Variants in SMAD9 observed in about 807,000 individuals in gnomAD.
The protein encoded by SMAD9 is MAD homolog 9.
Under a neutral mutation model 46.1 loss-of-function variants are expected in SMAD9, and 36 were observed. That is an observed-to-expected ratio of 0.78 (90% CI 0.60 to 1.03). SMAD9 has a LOEUF of 1.03. Ranked by LOEUF, SMAD9 falls within the 50% of genes least tolerant of loss-of-function variation. The probability of loss-of-function intolerance (pLI) is 0.00; values close to 1 mark genes in which losing one functional copy is unlikely to be tolerated. For synonymous variants in SMAD9, 245 were observed against 237.1 expected (o/e 1.03, Z -0.31); for missense variants, 572 against 599.8 (o/e 0.95, Z 0.48).
chr13:36,905,156 T>C (rs747617097), intron 1 of SMAD9, among the ~76,000 whole-genome samples: 25 of 152,146 alleles, frequency 1.6e-4, no homozygotes, highest in Non-Finnish European at 3.2e-4. Flanking sequence ...AGGGATACTG[T>C]TAAACATCCT....
intron 6 of SMAD9, chr13:36,852,663 C>T (rs1340351357): frequency 2.8e-6 from 2 of 715,906 alleles, no homozygotes; most frequent in South Asian, 6.3e-5. Flanking sequence ...TAGAACCAAC[C>T]CTGCCTATTT....
intron 1 of SMAD9, among the ~76,000 whole-genome samples, chr13:36,909,746 T>C (rs942540901): frequency 6.6e-5 from 10 of 152,186 alleles, no homozygotes; most frequent in East Asian, 3.9e-4. Flanking sequence ...ATGGAAACAA[T>C]AGTCACTACC....
chr13:36,863,188 A>G (rs2058199736), intron 5 of SMAD9, among the ~76,000 whole-genome samples: 1 of 152,228 alleles, frequency 6.6e-6, no homozygotes. Context: ...AGCATCTGAG[A>G]GAGAATCCTG....
At chr13:36,873,146 C>T (rs1380799774) in intron 2 of SMAD9, among the ~76,000 whole-genome samples, 1 of 152,140 alleles carries the variant, frequency 6.6e-6, no homozygotes, top group Non-Finnish European at 1.5e-5. Flanking sequence ...CTCCTTGTAA[C>T]CGGAATCTTA....
intron 3 of SMAD9, among the ~76,000 whole-genome samples, chr13:36,869,518 G>T (rs1056026526): frequency 2.0e-5 from 3 of 151,718 alleles, no homozygotes; most frequent in Non-Finnish European, 4.4e-5. Context: ...CACTGCACCC[G>T]GCTAGACTGT....
At chr13:36,918,684 T>C (rs546051067) in intron 1 of SMAD9, among the ~76,000 whole-genome samples, 39 of 152,334 alleles carry the variant, frequency 2.6e-4, no homozygotes, top group African/African-American at 7.0e-4. Context: ...GAAACTCTTA[T>C]ATTGAATCTT....
chr13:36,888,459 T>C (rs2058465536), intron 1 of SMAD9, among the ~76,000 whole-genome samples: 1 of 152,196 alleles, frequency 6.6e-6, no homozygotes, highest in African/African-American at 2.4e-5. Flanking sequence ...GTTTATAAAG[T>C]ACCCAGTCTC....
chr13:36,853,599 C>T lies in SMAD9; in HGVS notation c.1080G>A (p.Arg360=), dbSNP rs758067314. The T allele has an allele frequency of 1.2e-5, 19 of 1,613,978 alleles. No homozygotes were observed. The highest frequency in any genetic ancestry group is 1.3e-5 in the African/African-American group (1 of 74,892). The change falls in exon 6 of 7, where the codon CGG becomes CGA. Residue 360 remains arginine, a synonymous_variant. Coordinates refer to ENST00000379826, the MANE Select transcript of SMAD9 (RefSeq NM_001127217.3). ...GGAAGCCGTGTTGATAGTTGCAGTT[C>T]CGGCTCTGCACAAAGATGCTGCTGT... The part of the protein sequence containing the change: ...VSDSSIFVQS[R]NCNYQHGFHP...
chr13:36,858,541 T>G (rs2058148447), intron 5 of SMAD9, among the ~76,000 whole-genome samples: 1 of 152,160 alleles, frequency 6.6e-6, no homozygotes. Flanking sequence ...TGGGTCCAAC[T>G]GTACTACACG....
chr13:36,857,111 T>G (rs1449057425), intron 5 of SMAD9, among the ~76,000 whole-genome samples: 1 of 152,124 alleles, frequency 6.6e-6, no homozygotes. Context: ...GCCAGTGATA[T>G]TCCTTTAAAA....
chr13:36,886,324 G>A (rs2058444310), intron 1 of SMAD9, among the ~76,000 whole-genome samples: 1 of 152,250 alleles, frequency 6.6e-6, no homozygotes, highest in African/African-American at 2.4e-5. Context: ...GACAGCAAAA[G>A]ACCCCCTGAA....
At chr13:36,905,625 T>G (rs1363301928) in intron 1 of SMAD9, among the ~76,000 whole-genome samples, 2 of 151,506 alleles carry the variant, frequency 1.3e-5, no homozygotes, top group African/African-American at 4.8e-5. Flanking sequence ...AAAACAAAAA[T>G]TAGCCAGGTG....
Position 36,853,654 on chromosome 13 carries a change from C to T in SMAD9, c.1025G>A (p.Gly342Glu). The change falls in exon 6 of 7, where the codon GGG becomes GAG. Residue 342 changes from glycine (G) to glutamate (E), a missense_variant. Transcript: ENST00000379826. ...CACGCACTCGGCATACACCTCTCCC[C>T]CGACGTAGTACAAGTGCACACCTGC... is the stretch of plus-strand genomic sequence containing the variant. ...IGKGVHLYYV[G>E]GEVYAECVSD... is the part of the protein sequence containing the mutation. 1 of 1,614,148 alleles carries T rather than the reference C, an allele frequency of 6.2e-7. No individual in the cohort carries two copies. The highest frequency in any genetic ancestry group is 8.5e-7 in the Non-Finnish European group (1 of 1,180,020).
rs111414268 is a variant in SMAD9, at chr13:36,867,597, A to G, written c.671-214T>C. 5.7e-3 allele frequency among the ~76,000 whole-genome samples: 869 copies of G among 152,324 alleles called. 14 individuals are homozygous for G. The highest frequency in any genetic ancestry group is 0.02 in the African/African-American group (832 of 41,576). Reference sequence around the variant, plus strand: ...TTCTGAGAGCCTCAGTAAAGGGTCAATTCATTTTCCCTCCGACTTTTGAGT... The same window carrying G: ...TTCTGAGAGCCTCAGTAAAGGGTCAGTTCATTTTCCCTCCGACTTTTGAGT... On this transcript the variant is annotated intron_variant, in intron 3 of 6. Transcript: ENST00000379826.
chr13:36,908,827 A>G (rs2058638166), intron 1 of SMAD9, among the ~76,000 whole-genome samples: 1 of 152,188 alleles, frequency 6.6e-6, no homozygotes. Context: ...CTCTCCAATA[A>G]CGGCTGGATT....
chr13:36,876,373 T>C (rs888037813), intron 2 of SMAD9, among the ~76,000 whole-genome samples: 3 of 152,128 alleles, frequency 2.0e-5, no homozygotes, highest in Non-Finnish European at 4.4e-5. Flanking sequence ...ACAACAACAG[T>C]CTTGCATGGC....
At chr13:36,879,153 T>TCGC in intron 2 of SMAD9, 125 bp downstream of exon 2, 1 of 741,538 alleles carries the variant, frequency 1.3e-6, no homozygotes, top group South Asian at 1.7e-5. Flanking sequence ...TGAACCTCCC[T>TCGC]CTCCTCTCTT....
At position 36,920,097 on chromosome 13, in the gene SMAD9, C is replaced by T. The variant is rs1225470972; in HGVS notation, c.-187+19G>A. 1 of 150,414 alleles carries T rather than the reference C, an allele frequency of 6.6e-6. No individual in the cohort carries two copies. Among genetic ancestry groups the T allele is most frequent in the African/African-American group, 2.4e-5 (1 of 41,116 alleles). 9.3% of individuals were successfully genotyped at this position (150,414 alleles called of 1,614,324 possible). A position where few individuals can be genotyped will look rare whatever the true frequency, so the allele number is the denominator to read the frequency against. On this transcript the variant is annotated intron_variant, in intron 1 of 6. Coordinates refer to ENST00000379826, the MANE Select transcript of SMAD9 (RefSeq NM_001127217.3). ...CGCCGTGGTCCCCCGGCCGCCCGCT[C>T]CGAGCGCCGCGCACTCACTGCCTGG...
chr13:36,882,673 G>A (rs1403234626), intron 1 of SMAD9, among the ~76,000 whole-genome samples: 1 of 152,206 alleles, frequency 6.6e-6, no homozygotes, highest in African/African-American at 2.4e-5. Flanking sequence ...CATAACAGTG[G>A]CCTCCAGGTA....
Sources: gnomAD v4.1 joint callset for allele counts (sites outside exome capture counted in the v4.1 genomes callset) on GRCh38, gnomAD v4.1.1 for gene constraint, MANE v1.5 for transcripts, NCBI Gene and HGNC (gene_info 2026-07-23, HGNC 2026-07-21) for gene names.